ITCH: variants seen among roughly 807,000 people sequenced by gnomAD.
The protein encoded by ITCH is E3 ubiquitin-protein ligase Itchy homolog.
Under a neutral mutation model 126.8 loss-of-function variants are expected in ITCH, and 28 were observed. The ratio of observed to expected loss-of-function variants is 0.22; its 90% confidence interval spans 0.16 to 0.30. The LOEUF (loss-of-function observed/expected upper bound fraction) is 0.30. Ranked by LOEUF, ITCH falls within the 10% of genes least tolerant of loss-of-function variation. The pLI is 1.00. For synonymous variants in ITCH, 342 were observed against 340.0 expected (o/e 1.01, Z -0.06); for missense variants, 631 against 1,032.4 (o/e 0.61, Z 5.33).
chr20:34,470,860 C>A (rs1338419075), intron 15 of ITCH, among the ~76,000 whole-genome samples: 1 of 152,224 alleles, frequency 6.6e-6, no homozygotes, highest in Non-Finnish European at 1.5e-5. Context: ...GCTGGGATTA[C>A]AGGCATAAAC....
intron 21 of ITCH, among the ~76,000 whole-genome samples, 155 bp downstream of exon 21, chr20:34,489,541 A>G (rs528868688): frequency 1.4e-4 from 22 of 152,358 alleles, no homozygotes; most frequent in Admixed American, 1.4e-3. Flanking sequence ...AGAAAATCAT[A>G]ATTTATCCAA....
intron 3 of ITCH, chr20:34,402,285 G>A (rs1601815239): frequency 8.2e-7 from 1 of 1,217,848 alleles, no homozygotes; most frequent in East Asian, 2.3e-5. Context: ...CAGGTCATGG[G>A]CCAGCTTATT....
intron 3 of ITCH, among the ~76,000 whole-genome samples, chr20:34,396,435 T>C (rs2038679088): frequency 6.6e-6 from 1 of 152,164 alleles, no homozygotes; most frequent in Admixed American, 6.6e-5. Context: ...TTTTTTATGA[T>C]AGCCATTCTA....
intron 23 of ITCH, among the ~76,000 whole-genome samples, chr20:34,499,999 T>G (rs1236680478): frequency 6.6e-6 from 1 of 152,230 alleles, no homozygotes; most frequent in Non-Finnish European, 1.5e-5. Flanking sequence ...GTTCCTCTTT[T>G]TATTGATTTC....
In ITCH at chr20:34,489,812, A is replaced by T; in HGVS notation, c.2215-10A>T. 6.3e-7 allele frequency: 1 copy of T among 1,590,304 alleles called. No individual in the cohort carries two copies. Among genetic ancestry groups the T allele is most frequent in the Non-Finnish European group, 8.6e-7 (1 of 1,158,466 alleles). On this transcript the variant is annotated splice_polypyrimidine_tract_variant and intron_variant, in intron 21 of 24. Coordinates refer to ENST00000374864, the MANE Select transcript of ITCH (RefSeq NM_031483.7). ...CCTTAGGAAACAATTTGTCTTTTTCATCCCTAAAGGTCCTTTTATGTGGAA... is the reference window on the plus strand; with the variant it reads ...CCTTAGGAAACAATTTGTCTTTTTCTTCCCTAAAGGTCCTTTTATGTGGAA...
chr20:34,444,995 T>G (rs370284431), intron 10 of ITCH, among the ~76,000 whole-genome samples: 4 of 152,344 alleles, frequency 2.6e-5, no homozygotes, highest in African/African-American at 9.6e-5. Context: ...TTTGTGTCCC[T>G]GTTATGATTG....
intron 6 of ITCH, among the ~76,000 whole-genome samples, chr20:34,419,136 G>A (rs1423783667): frequency 6.6e-6 from 1 of 152,064 alleles, no homozygotes; most frequent in African/African-American, 2.4e-5. Flanking sequence ...TTGAAGTATT[G>A]AGGCTATGAT....
intron 1 of ITCH, among the ~76,000 whole-genome samples, chr20:34,365,483 C>T (rs1407363144): frequency 1.3e-5 from 2 of 151,108 alleles, no homozygotes; most frequent in African/African-American, 4.9e-5. Context: ...GGTGTGATCT[C>T]GGCTTACTGT....
intron 20 of ITCH, among the ~76,000 whole-genome samples, chr20:34,488,344 G>A (rs983336901): frequency 5.9e-5 from 9 of 151,882 alleles, no homozygotes; most frequent in African/African-American, 1.5e-4. Flanking sequence ...ATAATGATGC[G>A]GTCATGTTTT....
At chr20:34,381,630 G>A (rs938768371) in intron 2 of ITCH, among the ~76,000 whole-genome samples, 12 of 152,028 alleles carry the variant, frequency 7.9e-5, no homozygotes, top group African/African-American at 2.9e-4. Context: ...GTTTCACCAT[G>A]TTGGCCAGAC....
At chr20:34,497,497 A>C (rs1473250008) in intron 23 of ITCH, among the ~76,000 whole-genome samples, 1 of 152,166 alleles carries the variant, frequency 6.6e-6, no homozygotes, top group African/African-American at 2.4e-5. Context: ...GGCTTTGGCT[A>C]TTCAGGATCC....
chr20:34,391,441 T>A (rs2038488177), intron 2 of ITCH, among the ~76,000 whole-genome samples: 1 of 152,166 alleles, frequency 6.6e-6, no homozygotes, highest in Non-Finnish European at 1.5e-5. Flanking sequence ...CTCATGCATG[T>A]TGTTCTGCAG....
At chr20:34,396,882 A>G (rs1179623610) in intron 3 of ITCH, among the ~76,000 whole-genome samples, 1 of 152,108 alleles carries the variant, frequency 6.6e-6, no homozygotes, top group Admixed American at 6.6e-5. Flanking sequence ...TTTCAGATTA[A>G]TGTTTTTAAT....
In ITCH at chr20:34,449,430, C is replaced by T; in HGVS notation, c.1160C>T (p.Thr387Ile). Reference protein sequence around the residue: ...FIYGNQDLFATSQSKEFDPLG... With the variant: ...FIYGNQDLFAISQSKEFDPLG... The stretch of plus-strand genomic sequence containing the variant: ...TTTTAGAATCAAGATTTATTTGCTA[C>T]ATCACAAAGTAAAGAATTTGATCCT... The change falls in exon 12 of 25, where the codon ACA (threonine) becomes ATA (isoleucine). Residue 387 changes from threonine (T) to isoleucine (I), a missense_variant. Physicochemically the swap from Thr to Ile is moderately conservative, Grantham distance 89 (BLOSUM62 -1). Around this residue, in one of 4 missense-constraint regions of ITCH, gnomAD observed 390 missense variants for 731.6 expected, o/e 0.53. Coordinates refer to ENST00000374864, the MANE Select transcript of ITCH (RefSeq NM_031483.7). The T allele has an allele frequency of 6.2e-7, 1 of 1,610,574 alleles. No individual in the cohort carries two copies.
intron 1 of ITCH, among the ~76,000 whole-genome samples, chr20:34,367,351 C>T (rs2037459654): frequency 6.6e-6 from 1 of 152,110 alleles, no homozygotes; most frequent in African/African-American, 2.4e-5. Flanking sequence ...TGCCACCAAG[C>T]CTGGCTAATT....
chr20:34,436,886 G>A (rs1983071673), intron 7 of ITCH, among the ~76,000 whole-genome samples: 1 of 152,158 alleles, frequency 6.6e-6, no homozygotes, highest in Admixed American at 6.5e-5. Flanking sequence ...TAGCACTTTG[G>A]GAGGCCAAGG....
intron 6 of ITCH, among the ~76,000 whole-genome samples, chr20:34,415,141 T>G (rs1979650275): frequency 6.6e-6 from 1 of 152,224 alleles, no homozygotes; most frequent in Non-Finnish European, 1.5e-5. Context: ...TTGATGAGTT[T>G]GACGAAGATC....
At chr20:34,409,508 T>G (rs1978676318) in intron 4 of ITCH, among the ~76,000 whole-genome samples, 1 of 152,170 alleles carries the variant, frequency 6.6e-6, no homozygotes, top group Non-Finnish European at 1.5e-5. Flanking sequence ...CTCAAGTAGC[T>G]AGGACTACTA....
rs1978499533 is a variant in ITCH at position 34,408,676 on chromosome 20, TAAG to T, written c.102_104del (p.Lys34del). 3 of 1,613,668 alleles carry T rather than the reference TAAG, an allele frequency of 1.9e-6. No homozygotes were observed. The highest frequency in any genetic ancestry group is 2.2e-5 in the East Asian group (1 of 44,852). ...TCATCTCAGCAAAACTTAAGGAAAA[TAAG>T]AAGAATTGGTTTGGACCAAGTCCTT... On this transcript the variant is annotated inframe_deletion, in exon 4 of 25. Coordinates refer to ENST00000374864, the MANE Select transcript of ITCH (RefSeq NM_031483.7).
Sources: allele counts gnomAD v4.1 joint callset (sites outside exome capture counted in the v4.1 genomes callset), GRCh38; gene constraint gnomAD v4.1.1; regional missense constraint gnomAD v4.1.1; transcripts MANE v1.5; gene names NCBI Gene and HGNC (gene_info 2026-07-23, HGNC 2026-07-21).